The following NRG3 variants were observed in gnomAD, a reference collection of about 807,000 sequenced individuals.
NRG3 encodes pro-neuregulin-3, membrane-bound isoform.
A neutral mutation model predicts 66.9 loss-of-function variants in NRG3; 31 were observed. The observed-to-expected ratio is 0.46, with a 90% CI of 0.35 to 0.63. The LOEUF (loss-of-function observed/expected upper bound fraction) is 0.63. Among genes scored for constraint, NRG3 ranks in the 20% least tolerant of loss-of-function variants. The pLI is 0.00. For synonymous variants in NRG3, 393 were observed against 359.4 expected, an observed-to-expected ratio of 1.09 and a Z score of -1.06; for missense variants, 910 against 878.9, an observed-to-expected ratio of 1.04 and a Z score of -0.45.
At chr10:82,673,357 A>G (rs1356078143) in intron 2 of NRG3, among the ~76,000 whole-genome samples, 1 of 152,214 alleles carries the variant, frequency 6.6e-6, no homozygotes, top group African/African-American at 2.4e-5. Context: ...GTCTTTATTT[A>G]AAATTGTGTG....
intron 1 of NRG3, among the ~76,000 whole-genome samples, chr10:81,960,922 T>C (rs1365117260): frequency 6.6e-6 from 1 of 152,106 alleles, no homozygotes; most frequent in Non-Finnish European, 1.5e-5. Flanking sequence ...TCCAAGCCTA[T>C]CCTTGTTCTA....
At chr10:82,954,747 C>A (rs1849870225) in intron 5 of NRG3, among the ~76,000 whole-genome samples, 2 of 151,322 alleles carry the variant, frequency 1.3e-5, no homozygotes, top group Non-Finnish European at 2.9e-5. Flanking sequence ...TTACCAAGCA[C>A]CTAATTTATA....
chr10:82,974,167 T>TAA (rs540381374), intron 7 of NRG3, among the ~76,000 whole-genome samples: 1 of 143,734 alleles, frequency 7.0e-6, no homozygotes, highest in South Asian at 2.2e-4. Flanking sequence ...TACAGACCAG[T>TAA]AAAAAAAAAA....
chr10:82,227,006 A>G (rs552394136), intron 1 of NRG3, among the ~76,000 whole-genome samples: 1 of 152,296 alleles, frequency 6.6e-6, no homozygotes. Flanking sequence ...ATGTGCTATA[A>G]CATATTGCTT....
chr10:82,531,035 G>A (rs1847197855), intron 2 of NRG3, among the ~76,000 whole-genome samples: 1 of 151,710 alleles, frequency 6.6e-6, no homozygotes, highest in Non-Finnish European at 1.5e-5. Context: ...TGAAACATTT[G>A]CATGTTTCAA....
chr10:82,002,795 T>C (rs1038596108), intron 1 of NRG3, among the ~76,000 whole-genome samples: 1 of 152,208 alleles, frequency 6.6e-6, no homozygotes, highest in Non-Finnish European at 1.5e-5. Flanking sequence ...GGCCAGGTGC[T>C]CTTTGTTTCA....
intron 2 of NRG3, among the ~76,000 whole-genome samples, chr10:82,462,179 A>G (rs1050470676): frequency 6.6e-6 from 1 of 152,072 alleles, no homozygotes; most frequent in African/African-American, 2.4e-5. Context: ...CTATCTTCAT[A>G]TTAAAAATGT....
intron 2 of NRG3, among the ~76,000 whole-genome samples, chr10:82,635,300 C>T (rs1239586481): frequency 1.3e-5 from 2 of 152,134 alleles, no homozygotes; most frequent in Non-Finnish European, 2.9e-5. Flanking sequence ...GTTCTCTCCC[C>T]ATAATCTAAA....
At chr10:82,349,342 C>T (rs2083252802) in intron 1 of NRG3, among the ~76,000 whole-genome samples, 1 of 151,918 alleles carries the variant, frequency 6.6e-6, no homozygotes, top group African/African-American at 2.4e-5. Flanking sequence ...TGTCAGTGTG[C>T]CCCTGCTGGG....
At chr10:81,895,034 TC>T (rs1228294724) in intron 1 of NRG3, among the ~76,000 whole-genome samples, 1 of 152,124 alleles carries the variant, frequency 6.6e-6, no homozygotes, top group Non-Finnish European at 1.5e-5. Context: ...ATCCTGTAGC[TC>T]CCTGTTTTTT....
intron 3 of NRG3, among the ~76,000 whole-genome samples, chr10:82,851,618 C>CT (rs1343478770): frequency 2.0e-5 from 3 of 152,106 alleles, no homozygotes; most frequent in African/African-American, 7.2e-5. Flanking sequence ...TTCTCTCTCT[C>CT]TTTTTATTGC....
At chr10:82,951,802 C>A (rs1396324170) in intron 5 of NRG3, among the ~76,000 whole-genome samples, 1 of 152,120 alleles carries the variant, frequency 6.6e-6, no homozygotes, top group Non-Finnish European at 1.5e-5. Context: ...ATCTACGATG[C>A]ACATAATGAT....
chr10:82,009,933 T>A (rs2061513114), intron 1 of NRG3, among the ~76,000 whole-genome samples: 1 of 152,174 alleles, frequency 6.6e-6, no homozygotes, highest in Non-Finnish European at 1.5e-5. Flanking sequence ...GAGCTGTGCT[T>A]TTCTTTGACA....
At position 82,171,475 on chromosome 10, in the gene NRG3, A is replaced by C. The variant is rs77016449; in HGVS notation, c.824-187264A>C. Among the ~76,000 whole-genome samples, 1,023 of 152,210 alleles carry C rather than the reference A, an allele frequency of 6.7e-3. 15 individuals are homozygous for C. Among genetic ancestry groups the C allele is most frequent in the African/African-American group, 0.023 (974 of 41,532 alleles). ...TGCTGTATAGAATGATATAGGTCATAAATGGGAGTATGATGGAAGGGGAAG... is the reference window on the plus strand; with the variant it reads ...TGCTGTATAGAATGATATAGGTCATCAATGGGAGTATGATGGAAGGGGAAG... On this transcript the variant is annotated intron_variant, in intron 1 of 8. Transcript: ENST00000372141.
At chr10:82,284,522 C>A (rs2079305752) in intron 1 of NRG3, among the ~76,000 whole-genome samples, 1 of 152,174 alleles carries the variant, frequency 6.6e-6, no homozygotes, top group Non-Finnish European at 1.5e-5. Flanking sequence ...ACTAGGCATT[C>A]AGATAAATCC....
intron 3 of NRG3, among the ~76,000 whole-genome samples, chr10:82,794,043 C>T (rs1380128396): frequency 3.3e-5 from 5 of 152,130 alleles, no homozygotes; most frequent in African/African-American, 1.2e-4. Flanking sequence ...CAGCTGTGAA[C>T]AACACTTTCT....
intron 2 of NRG3, among the ~76,000 whole-genome samples, chr10:82,596,515 G>A (rs1254700054): frequency 6.6e-6 from 1 of 152,142 alleles, no homozygotes; most frequent in African/African-American, 2.4e-5. Context: ...ATTTTGGTCA[G>A]GAAGAGTCTT....
intron 2 of NRG3, among the ~76,000 whole-genome samples, chr10:82,501,776 C>A (rs1050408920): frequency 2.0e-5 from 3 of 152,130 alleles, no homozygotes; most frequent in Non-Finnish European, 4.4e-5. Context: ...AAAAATGGGA[C>A]TTTTTAGTTC....
At chr10:82,824,317 C>T (rs2062086054) in intron 3 of NRG3, among the ~76,000 whole-genome samples, 1 of 152,154 alleles carries the variant, frequency 6.6e-6, no homozygotes, top group Admixed American at 6.5e-5. Context: ...ATAAACAATG[C>T]TTCTTTGAAT....
Sources: allele counts gnomAD v4.1 joint callset (sites outside exome capture counted in the v4.1 genomes callset), GRCh38; gene constraint gnomAD v4.1.1; transcripts MANE v1.5; gene names NCBI Gene and HGNC (gene_info 2026-07-23, HGNC 2026-07-21).